CD163L1: variants seen among roughly 807,000 people sequenced by gnomAD.
CD163L1 encodes the protein scavenger receptor cysteine-rich type 1 protein M160.
CD163L1 carries 124 observed loss-of-function variants against 165.4 expected under a neutral mutation model. That is an observed-to-expected ratio of 0.75 (90% CI 0.65 to 0.87). The LOEUF (loss-of-function observed/expected upper bound fraction) is 0.87. Among genes scored for constraint, CD163L1 ranks in the 40% least tolerant of loss-of-function variants. The probability of loss-of-function intolerance (pLI) is 0.00; values close to 1 mark genes in which losing one functional copy is unlikely to be tolerated. For synonymous variants in CD163L1, 585 were observed against 662.2 expected (o/e 0.88, Z 1.79); for missense variants, 1,525 against 1,799.9 (o/e 0.85, Z 2.76).
chr12:7,440,107 G>T (rs1376343206), intron 2 of CD163L1: 1 of 815,610 alleles, frequency 1.2e-6, no homozygotes, highest in Non-Finnish European at 2.0e-6. Flanking sequence ...GACCAATGGC[G>T]GGCTTGGACC....
chr12:7,427,439 C>T (rs768155098), intron 4 of CD163L1, among the ~76,000 whole-genome samples: 46 of 152,200 alleles, frequency 3.0e-4, no homozygotes, highest in African/African-American at 1.1e-3. Context: ...CCTACAGGTA[C>T]TGTATTGCAT....
chr12:7,384,222 T>A (rs977785522), intron 8 of CD163L1, among the ~76,000 whole-genome samples: 2 of 151,920 alleles, frequency 1.3e-5, no homozygotes, highest in Non-Finnish European at 2.9e-5. Flanking sequence ...TGAAGATAAA[T>A]CTTTGAAATA....
At chr12:7,328,280 C>A in the CD163L1 span, 3 of 1,571,702 alleles carry the variant, frequency 1.9e-6, no homozygotes, top group South Asian at 2.4e-5. Flanking sequence ...TTTTTTCTGT[C>A]AATTAGGTGG....
chr12:7,419,461 C>T (rs1306739058), intron 4 of CD163L1, among the ~76,000 whole-genome samples: 1 of 151,380 alleles, frequency 6.6e-6, no homozygotes, highest in African/African-American at 2.4e-5. Flanking sequence ...ACAAGGATGC[C>T]CACTTTCACC....
Position 7,375,508 on chromosome 12 carries a change from C to G in CD163L1, c.2774G>C (p.Cys925Ser). The G allele has an allele frequency of 1.2e-6, 2 of 1,614,104 alleles. No homozygotes were observed. Among genetic ancestry groups the G allele is most frequent in the Non-Finnish European group, 8.5e-7 (1 of 1,180,034 alleles). Reference protein sequence around the residue: ...INVLGHWGSLCDTHWDPEDAR... With the variant: ...INVLGHWGSLSDTHWDPEDAR... ...ATCTTCTGGGTCCCAGTGGGTGTCA[C>G]ACAGTGAGCCCCAGTGTCCAAGCAC... Residue 925 changes from cysteine (C) to serine (S), a missense_variant, in exon 11 of 20, where the codon TGT becomes TCT. Physicochemically the swap from Cys to Ser is moderately radical, Grantham distance 112. Transcript: ENST00000313599.
At chr12:7,395,581 C>G (rs540164632) in intron 8 of CD163L1, among the ~76,000 whole-genome samples, 1 of 152,108 alleles carries the variant, frequency 6.6e-6, no homozygotes, top group African/African-American at 2.4e-5. Flanking sequence ...TACCCTAGAA[C>G]TTAAAGTATA....
At chr12:7,363,418 A>AAATAAT (rs71450200) in intron 18 of CD163L1, among the ~76,000 whole-genome samples, 9,187 of 151,938 alleles carry the variant, frequency 0.06, 358 homozygotes, top group East Asian at 0.16. Context: ...AGATAAAAAG[A>AAATAAT]AATAATAATA....
intron 4 of CD163L1, among the ~76,000 whole-genome samples, chr12:7,416,713 G>T (rs781136008): frequency 6.6e-6 from 1 of 152,178 alleles, no homozygotes; most frequent in Admixed American, 6.5e-5. Context: ...GGTTTGTCAA[G>T]GATCAGATGG....
At chr12:7,333,039 A>T in the CD163L1 span, among the ~76,000 whole-genome samples, 4,019 of 152,188 alleles carry the variant, frequency 0.026, 350 homozygotes, top group East Asian at 0.32. Context: ...CAGGAAACCC[A>T]TCTCACCTGA....
Position 7,369,678 on chromosome 12 carries a change from A to G in CD163L1, c.3731-13T>C, listed in dbSNP as rs951921322. 1 of 1,601,596 alleles carries G rather than the reference A, an allele frequency of 6.2e-7. No individual in the cohort carries two copies. Among genetic ancestry groups the G allele is most frequent in the Non-Finnish European group, 8.5e-7 (1 of 1,170,688 alleles). ...ACTCTTATTCTATCTACAAAGGCAC[A>G]AAACATGGCTGTCTTTACTCCTGAA... On this transcript the variant is annotated splice_polypyrimidine_tract_variant and intron_variant, in intron 14 of 19. Transcript: ENST00000313599. The surrounding 1 kb of genome is among the most constrained non-coding windows in gnomAD (Gnocchi z 4.9).
chr12:7,361,206 T>C (rs988011649), intron 18 of CD163L1, among the ~76,000 whole-genome samples: 1 of 152,204 alleles, frequency 6.6e-6, no homozygotes, highest in African/African-American at 2.4e-5. Flanking sequence ...GTGTATGTTC[T>C]GCATAATTGC....
At chr12:7,430,281 T>G (rs544955912) in intron 4 of CD163L1, among the ~76,000 whole-genome samples, 1 of 152,186 alleles carries the variant, frequency 6.6e-6, no homozygotes, top group South Asian at 2.1e-4. Flanking sequence ...CTTCCTGACT[T>G]TGAACTACTC....
At chr12:7,357,891 ATTG>A (rs1347377998) in intron 18 of CD163L1, among the ~76,000 whole-genome samples, 1 of 152,154 alleles carries the variant, frequency 6.6e-6, no homozygotes, top group Non-Finnish European at 1.5e-5. Context: ...GAAATAAAGA[ATTG>A]TTGTCTGTGG....
chr12:7,421,910 G>A (rs1369803577), intron 4 of CD163L1, among the ~76,000 whole-genome samples: 1 of 152,002 alleles, frequency 6.6e-6, no homozygotes, highest in Non-Finnish European at 1.5e-5. Flanking sequence ...CTGACAAGGA[G>A]GGTTCTACTA....
At position 7,360,660 on chromosome 12, in the gene CD163L1, T is replaced by A. The variant is rs1337449847; in HGVS notation, c.4280-3174A>T. On this transcript the variant is annotated intron_variant, in intron 18 of 19. Transcript: ENST00000313599. Reference sequence around the variant, plus strand: ...AATTTTTGAATTTCCATGGGATTGCTTCTTTCCTGAAAAGATTTCTCCATT... The same window carrying A: ...AATTTTTGAATTTCCATGGGATTGCATCTTTCCTGAAAAGATTTCTCCATT... 2.0e-5 allele frequency among the ~76,000 whole-genome samples: 3 copies of A among 152,204 alleles called. No homozygotes were observed. The East Asian group carries it at 5.8e-4, about 29-fold the overall frequency.
At chr12:7,385,584 T>A (rs953575161) in intron 8 of CD163L1, among the ~76,000 whole-genome samples, 3 of 151,950 alleles carry the variant, frequency 2.0e-5, no homozygotes, top group African/African-American at 7.2e-5. Context: ...CATAAAACGT[T>A]TTCCAGAATA....
At chr12:7,327,007 C>G in the CD163L1 span, 3 of 1,612,202 alleles carry the variant, frequency 1.9e-6, no homozygotes, top group East Asian at 2.2e-5. Flanking sequence ...TTAGCTGCAC[C>G]CTTTAAGTCC....
chr12:7,343,494 A>G (rs753955348), downstream of CD163L1, among the ~76,000 whole-genome samples: 2 of 152,292 alleles, frequency 1.3e-5, no homozygotes, highest in East Asian at 3.9e-4. Flanking sequence ...GCTTCTGATG[A>G]GGCCTCAGGA....
At chr12:7,378,857 C>T (rs1254960245) in intron 9 of CD163L1, 121 bp downstream of exon 9, 5 of 772,980 alleles carry the variant, frequency 6.5e-6, no homozygotes, top group Non-Finnish European at 1.0e-5. Context: ...GGTAGGATTA[C>T]TTTTATCTAG....
Sources: gnomAD v4.1 joint callset for allele counts (sites outside exome capture counted in the v4.1 genomes callset) on GRCh38, gnomAD v4.1.1 for gene constraint, Gnocchi (gnomAD v3.1) non-coding constraint, MANE v1.5 for transcripts, NCBI Gene and HGNC (gene_info 2026-07-23, HGNC 2026-07-21) for gene names.